SMPDL3B: variants seen among roughly 807,000 people sequenced by gnomAD.
SMPDL3B encodes the protein acid sphingomyelinase-like phosphodiesterase 3b.
SMPDL3B carries 31 observed loss-of-function variants against 37.9 expected under a neutral mutation model. The ratio of observed to expected loss-of-function variants is 0.82; its 90% CI spans 0.61 to 1.10. SMPDL3B has a LOEUF of 1.10. Ranked by LOEUF, SMPDL3B falls within the 50% of genes least tolerant of loss-of-function variation. SMPDL3B has a pLI of 0.00. For synonymous variants in SMPDL3B, 235 were observed against 242.6 expected (o/e 0.97, Z 0.29); for missense variants, 525 against 597.8 (o/e 0.88, Z 1.27).
At position 27,953,228 on chromosome 1, in the gene SMPDL3B, T is replaced by C. The variant is rs1260324835; in HGVS notation, c.387T>C (p.Tyr129=). 1 of 1,613,476 alleles carries C rather than the reference T, an allele frequency of 6.2e-7. No homozygotes were observed. Among genetic ancestry groups the C allele is most frequent in the South Asian group, 1.1e-5 (1 of 90,984 alleles). The change falls in exon 4 of 8, where the codon TAT becomes TAC. Residue 129 remains tyrosine, a synonymous_variant. Coordinates refer to ENST00000373894, the MANE Select transcript of SMPDL3B (RefSeq NM_014474.4). ...CTTTCTTCCTAGATACTAAAGTCTA[T>C]GCTGCTTTGGGAAATCATGATTTTC... is the stretch of plus-strand genomic sequence containing the variant. ...IREVFPDTKV[Y]AALGNHDFHP... is the part of the protein sequence containing the mutation.
chr1:27,952,243 T>G (rs2090461137), intron 3 of SMPDL3B, among the ~76,000 whole-genome samples: 1 of 152,158 alleles, frequency 6.6e-6, no homozygotes, highest in African/African-American at 2.4e-5. Flanking sequence ...TCTAGGCAGT[T>G]ACAGTGATGC....
chr1:27,940,705 A>G (rs2090349947), intron 1 of SMPDL3B, among the ~76,000 whole-genome samples: 2 of 152,216 alleles, frequency 1.3e-5, no homozygotes, highest in Non-Finnish European at 2.9e-5. Context: ...ATAAAACTCA[A>G]GTTATAGATG....
At chr1:27,946,566 A>G (rs536190841) in intron 2 of SMPDL3B, among the ~76,000 whole-genome samples, 1 of 152,154 alleles carries the variant, frequency 6.6e-6, no homozygotes, top group East Asian at 1.9e-4. Context: ...AAGGAGAGAG[A>G]GTCACCTGGG....
chr1:27,940,679 A>T lies in SMPDL3B; in HGVS notation c.62-4553A>T, dbSNP rs562783839. Among the ~76,000 whole-genome samples, 15 of 152,270 alleles carry T rather than the reference A, an allele frequency of 9.9e-5. No homozygotes were observed. The South Asian group carries it at 3.1e-3, about 32-fold the overall frequency. On this transcript the variant is annotated intron_variant, in intron 1 of 7. Coordinates refer to ENST00000373894, the MANE Select transcript of SMPDL3B (RefSeq NM_014474.4). ...TAAATGAATAATAATGATAGCTGAGATTGGTGTACCTTTCTATAAAACTCA... is the reference window on the plus strand; with the variant it reads ...TAAATGAATAATAATGATAGCTGAGTTTGGTGTACCTTTCTATAAAACTCA...
Position 27,935,220 on chromosome 1 carries a change from T to A in SMPDL3B, c.37T>A (p.Trp13Arg), listed in dbSNP as rs751312827. 3.7e-5 allele frequency: 60 copies of A among 1,613,604 alleles called. No individual in the cohort carries two copies. Among genetic ancestry groups the A allele is most frequent in the Non-Finnish European group, 4.7e-5 (56 of 1,179,638 alleles). The part of the protein sequence containing the change: ...LLAWLIFLAN[W>R]GGARAEPGKF... ...CGCCTGGCTGATTTTCCTGGCTAAC[T>A]GGGGAGGTGCCAGGGCTGAACCAGG... The change falls in exon 1 of 8, where the codon TGG (tryptophan) becomes AGG (arginine). Residue 13 changes from tryptophan (W) to arginine (R), a missense_variant. Transcript: ENST00000373894.
At position 27,940,309 on chromosome 1, in the gene SMPDL3B, A is replaced by G. The variant is rs1415607332; in HGVS notation, c.62-4923A>G. On this transcript the variant is annotated intron_variant, in intron 1 of 7. Transcript: ENST00000373894. ...CTGCCCCTGCACTTTACCTGTGGAC[A>G]GTAGCCAAGGACACGCTGGGGCTGG... 2.0e-5 allele frequency among the ~76,000 whole-genome samples: 3 copies of G among 152,314 alleles called. No individual in the cohort carries two copies. In the East Asian group the frequency reaches 5.8e-4, roughly 29 times the overall value.
intron 1 of SMPDL3B, 133 bp downstream of exon 1, chr1:27,935,377 G>T (rs1571642504): frequency 1.0e-5 from 7 of 676,148 alleles, no homozygotes; most frequent in Non-Finnish European, 1.8e-5. Context: ...AGGCAGGTGG[G>T]GAGAGCTAGT....
intron 4 of SMPDL3B, among the ~76,000 whole-genome samples, chr1:27,953,603 T>A (rs1034967055): frequency 2.0e-4 from 31 of 152,242 alleles, no homozygotes; most frequent in African/African-American, 7.2e-4. Context: ...GCCTTTACTG[T>A]GTGCGAGGCA....
At chr1:27,941,302 T>C (rs2090356707) in intron 1 of SMPDL3B, among the ~76,000 whole-genome samples, 1 of 152,166 alleles carries the variant, frequency 6.6e-6, no homozygotes, top group African/African-American at 2.4e-5. Flanking sequence ...ATCTATGCAG[T>C]GGGCATAAGA....
At chr1:27,956,125 C>G in intron 7 of SMPDL3B, 43 bp downstream of exon 7, 1 of 1,613,940 alleles carries the variant, frequency 6.2e-7, no homozygotes, top group Non-Finnish European at 8.5e-7. Context: ...GTGGGAGGGG[C>G]TTAAATGCAT....
chr1:27,949,934 G>A (rs2090442486), intron 3 of SMPDL3B, among the ~76,000 whole-genome samples: 1 of 151,884 alleles, frequency 6.6e-6, no homozygotes, highest in African/African-American at 2.4e-5. Context: ...ACTAGCAGCA[G>A]TTACTCTAGA....
At position 27,958,529 on chromosome 1, in the gene SMPDL3B, G is replaced by A. The variant is rs199667511; in HGVS notation, c.1059G>A (p.Pro353=). The change falls in exon 8 of 8, where the codon CCG becomes CCA. Residue 353 remains proline (P), a synonymous_variant. Coordinates refer to ENST00000373894, the MANE Select transcript of SMPDL3B (RefSeq NM_014474.4). The surrounding 1 kb of genome is among the most constrained non-coding windows in gnomAD (Gnocchi z 5.6). ...GCCAGGCGAATGCTCAGGGGACGCC[G>A]CGCTGGGAGCTCGAGTACCAGCTGA... ...NLSQANAQGT[P]RWELEYQLTE... is the part of the protein sequence containing the mutation. The A allele has an allele frequency of 4.8e-5, 78 of 1,613,746 alleles. 1 individual carries two copies. In the East Asian group the frequency reaches 7.1e-4, roughly 15 times the overall value.
chr1:27,946,757 C>A (rs575423127), intron 2 of SMPDL3B, among the ~76,000 whole-genome samples: 1 of 152,310 alleles, frequency 6.6e-6, no homozygotes, highest in Admixed American at 6.5e-5. Context: ...CATGATGCCC[C>A]TAGCTGTGAT....
rs749286819 is a variant in SMPDL3B at position 27,948,946 on chromosome 1, C to T, written c.276-119C>T. 4.5e-6 allele frequency: 7 copies of T among 1,547,888 alleles called. No homozygotes were observed. In the African/African-American group the frequency reaches 6.8e-5, roughly 15 times the overall value. On this transcript the variant is annotated intron_variant, in intron 2 of 7. Coordinates refer to ENST00000373894, the MANE Select transcript of SMPDL3B (RefSeq NM_014474.4). Reference sequence around the variant, plus strand: ...CCACTCTAGCCTGGCCATTCCCCCTCAAGGGGACATCTGAGGCCCAGGTCC... The same window carrying T: ...CCACTCTAGCCTGGCCATTCCCCCTTAAGGGGACATCTGAGGCCCAGGTCC...
chr1:27,957,997 T>C (rs1638339770), intron 7 of SMPDL3B, among the ~76,000 whole-genome samples: 1 of 152,202 alleles, frequency 6.6e-6, no homozygotes, highest in East Asian at 1.9e-4. Context: ...TGGAACCCGC[T>C]GGACTGATGA....
chr1:27,944,286 C>T (rs960939094), intron 1 of SMPDL3B, among the ~76,000 whole-genome samples: 8 of 152,188 alleles, frequency 5.3e-5, no homozygotes, highest in African/African-American at 9.6e-5. Flanking sequence ...TCTGAAGTGG[C>T]GTTCCTTTTT....
In SMPDL3B at chr1:27,956,204, C is replaced by T. The variant is rs556197098; in HGVS notation, c.1005+122C>T. On this transcript the variant is annotated intron_variant, in intron 7 of 7. Coordinates refer to ENST00000373894, the MANE Select transcript of SMPDL3B (RefSeq NM_014474.4). ...ACTGAGCCTCAGGAAGGTTGAGCTC[C>T]TTCCACCCTTCTCCAGCTCAGGATC... 2.5e-6 allele frequency: 4 copies of T among 1,597,754 alleles called. No individual in the cohort carries two copies. In the Admixed American group the frequency reaches 6.7e-5, roughly 27 times the overall value.
Position 27,945,529 on chromosome 1 carries a change from C to T in SMPDL3B, c.275+84C>T. ...CAGTCTGGCCCTTTGCCCACATTATCTCCCTTAATCCTCACATCAGTCTCA... is the reference window on the plus strand; with the variant it reads ...CAGTCTGGCCCTTTGCCCACATTATTTCCCTTAATCCTCACATCAGTCTCA... On this transcript the variant is annotated intron_variant, in intron 2 of 7. Coordinates refer to ENST00000373894, the MANE Select transcript of SMPDL3B (RefSeq NM_014474.4). The surrounding 1 kb of genome is among the most constrained non-coding windows in gnomAD (Gnocchi z 4.0). The T allele has an allele frequency of 9.2e-7, 1 of 1,081,744 alleles. No individual in the cohort carries two copies. Among genetic ancestry groups the T allele is most frequent in the Non-Finnish European group, 1.4e-6 (1 of 714,448 alleles). 67.0% of individuals were successfully genotyped at this position (1,081,744 alleles called of 1,614,324 possible).
chr1:27,953,664 T>C (rs538632982), intron 4 of SMPDL3B, among the ~76,000 whole-genome samples: 2 of 152,140 alleles, frequency 1.3e-5, no homozygotes, highest in African/African-American at 4.8e-5. Context: ...TTGGAAGGAG[T>C]GGTTTCATTT....
Sources: gnomAD v4.1 joint callset for allele counts (sites outside exome capture counted in the v4.1 genomes callset) on GRCh38, gnomAD v4.1.1 for gene constraint, Gnocchi (gnomAD v3.1) non-coding constraint, MANE v1.5 for transcripts, NCBI Gene and HGNC (gene_info 2026-07-23, HGNC 2026-07-21) for gene names.